The following ABCB5 variants were observed in gnomAD, a reference collection of about 807,000 sequenced individuals.
ABCB5 encodes the protein ATP binding cassette subfamily B member 5.
A neutral mutation model predicts 144.2 loss-of-function variants in ABCB5; 155 were observed. The observed-to-expected ratio is 1.08, with a 90% confidence interval of 0.94 to 1.23. ABCB5 has a LOEUF of 1.23. ABCB5 is among the 50% of genes most tolerant of loss of function. The pLI is 0.00. For synonymous variants in ABCB5, 610 were observed against 528.6 expected (o/e 1.15, Z -2.11); for missense variants, 1,830 against 1,520.8 (o/e 1.20, Z -3.38).
At chr7:20,690,761 C>T (rs149102673) in intron 16 of ABCB5, among the ~76,000 whole-genome samples, 2 of 151,964 alleles carry the variant, frequency 1.3e-5, no homozygotes, top group Admixed American at 6.6e-5. Flanking sequence ...CATTTAGATT[C>T]GGATAGAAAA....
At chr7:20,689,794 T>C (rs1235013136) in intron 16 of ABCB5, among the ~76,000 whole-genome samples, 1 of 152,156 alleles carries the variant, frequency 6.6e-6, no homozygotes, top group Non-Finnish European at 1.5e-5. Context: ...TCTTGCCCAC[T>C]GGTAAAGGAG....
chr7:20,619,559 C>G (rs1320061333), intron 1 of ABCB5, among the ~76,000 whole-genome samples: 2 of 151,944 alleles, frequency 1.3e-5, no homozygotes, highest in Non-Finnish European at 2.9e-5. Context: ...AGTTAAGTTT[C>G]TTATAGATTC....
intron 20 of ABCB5, among the ~76,000 whole-genome samples, chr7:20,710,335 C>A (rs1480300300): frequency 4.3e-5 from 5 of 116,712 alleles, no homozygotes; most frequent in East Asian, 2.5e-4. Flanking sequence ...CCATTGCACT[C>A]CAGCCTGGGC....
chr7:20,656,939 G>A (rs2128028967), intron 13 of ABCB5, among the ~76,000 whole-genome samples: 1 of 135,410 alleles, frequency 7.4e-6, no homozygotes. Flanking sequence ...TTTTGATATG[G>A]GGTCTCACTC....
At chr7:20,712,821 GT>G (rs1334547095) in intron 20 of ABCB5, among the ~76,000 whole-genome samples, 1 of 149,428 alleles carries the variant, frequency 6.7e-6, no homozygotes, top group African/African-American at 2.5e-5. Flanking sequence ...TAAAAATGAT[GT>G]TTTATATATG....
rs552060327 is a variant in ABCB5 at position 20,751,810 on chromosome 7, G to C, written c.3430-1550G>C. The stretch of plus-strand genomic sequence containing the variant: ...ACAAAATGCATTTTAGGAGGAAGGG[G>C]CCCAAGGCCTGCTAGTAGTCCCAGA... On this transcript the variant is annotated intron_variant, in intron 26 of 27. Coordinates refer to ENST00000404938, the MANE Select transcript of ABCB5 (RefSeq NM_001163941.2). Among the ~76,000 whole-genome samples, 10 of 152,308 alleles carry C rather than the reference G, an allele frequency of 6.6e-5. No homozygotes were observed. The South Asian group carries it at 2.1e-3, about 32-fold the overall frequency.
chr7:20,718,931 T>C (rs1383281291), intron 20 of ABCB5, among the ~76,000 whole-genome samples: 2 of 151,984 alleles, frequency 1.3e-5, no homozygotes, highest in Non-Finnish European at 2.9e-5. Flanking sequence ...AGAACAAAGA[T>C]TTTTCACAAA....
chr7:20,711,780 C>CTTTCTTTCTT, intron 20 of ABCB5, among the ~76,000 whole-genome samples: 1 of 25,800 alleles, frequency 3.9e-5, no homozygotes, highest in Non-Finnish European at 7.5e-5. Context: ...CCTTCTTTCT[C>CTTTCTTTCTT]TTTCTTTCTT....
intron 14 of ABCB5, chr7:20,659,433 A>T (rs1373329127): frequency 5.3e-6 from 6 of 1,132,460 alleles, no homozygotes; most frequent in African/African-American, 3.2e-5. Context: ...TTCTTTTTTT[A>T]AAATGCTGAC....
chr7:20,617,034 T>C (rs959627101), intron 1 of ABCB5, among the ~76,000 whole-genome samples: 1 of 152,198 alleles, frequency 6.6e-6, no homozygotes, highest in East Asian at 1.9e-4. Context: ...CAGATGTATA[T>C]AAATACCACA....
chr7:20,745,492 G>A (rs1042448159), intron 26 of ABCB5, 54 bp downstream of exon 26: 26 of 1,525,282 alleles, frequency 1.7e-5, no homozygotes, highest in South Asian at 2.3e-5. Flanking sequence ...AGGCTAAGTA[G>A]CTACTGGGCC....
At chr7:20,655,481 T>A (rs115583554) in intron 13 of ABCB5, among the ~76,000 whole-genome samples, 4,433 of 145,798 alleles carry the variant, frequency 0.03, 252 homozygotes, top group African/African-American at 0.11. Flanking sequence ...CCCCCGCACC[T>A]CCCCCCAGCC....
At chr7:20,751,518 C>T (rs1285129547) in intron 26 of ABCB5, among the ~76,000 whole-genome samples, 1 of 151,930 alleles carries the variant, frequency 6.6e-6, no homozygotes, top group Non-Finnish European at 1.5e-5. Context: ...AACCTTCATC[C>T]AATATGTTCT....
chr7:20,632,325 G>C (rs1247174960), intron 5 of ABCB5, among the ~76,000 whole-genome samples: 2 of 152,066 alleles, frequency 1.3e-5, no homozygotes, highest in East Asian at 3.8e-4. Flanking sequence ...TATGCTTTGA[G>C]TTGTAGTTGA....
In ABCB5 at chr7:20,685,797, C is replaced by T; in HGVS notation, c.1971C>T (p.Asp657=). ...PLHSVKSIKS[D]FIDKAEESTQ... is the part of the protein sequence containing the mutation. Reference sequence around the variant, plus strand: ...ACTCTGTGAAGAGCATCAAGTCAGACTTCATTGACAAGGCTGAGGAATCCA... The same window carrying T: ...ACTCTGTGAAGAGCATCAAGTCAGATTTCATTGACAAGGCTGAGGAATCCA... The change falls in exon 16 of 28, where the codon GAC becomes GAT. Residue 657 remains aspartate, a synonymous_variant. Transcript: ENST00000404938. 1.2e-6 allele frequency: 2 copies of T among 1,613,496 alleles called. No individual in the cohort carries two copies. Among genetic ancestry groups the T allele is most frequent in the East Asian group, 2.2e-5 (1 of 44,832 alleles).
At chr7:20,627,361 G>A (rs561685104) in intron 3 of ABCB5, among the ~76,000 whole-genome samples, 71 of 152,296 alleles carry the variant, frequency 4.7e-4, no homozygotes, top group African/African-American at 1.6e-3. Flanking sequence ...TGAATGCAAT[G>A]CTGTGGAAGT....
intron 24 of ABCB5, among the ~76,000 whole-genome samples, chr7:20,740,556 TG>T (rs1270939006): frequency 2.0e-5 from 3 of 152,178 alleles, no homozygotes; most frequent in Non-Finnish European, 4.4e-5. Flanking sequence ...ATTTTGTTCT[TG>T]TATTTTGGAA....
At chr7:20,743,286 A>G (rs1327077619) in intron 25 of ABCB5, among the ~76,000 whole-genome samples, 1 of 152,202 alleles carries the variant, frequency 6.6e-6, no homozygotes, top group African/African-American at 2.4e-5. Context: ...CAAAGGTCCA[A>G]AGATTCTTCA....
At position 20,686,115 on chromosome 7, in the gene ABCB5, A is replaced by C. The variant is rs78440685; in HGVS notation, c.2010+279A>C. ...TTCCTATGAAGCAAACCATAGGTTA[A>C]AACAGTGCCTCGGCAAATGTGATAC... is the stretch of plus-strand genomic sequence containing the variant. On this transcript the variant is annotated intron_variant, in intron 16 of 27. Coordinates refer to ENST00000404938, the MANE Select transcript of ABCB5 (RefSeq NM_001163941.2). Among the ~76,000 whole-genome samples, 261 of 152,282 alleles carry C rather than the reference A, an allele frequency of 1.7e-3. 1 individual carries two copies. Among genetic ancestry groups the C allele is most frequent in the African/African-American group, 6.0e-3 (251 of 41,562 alleles).
Sources: gnomAD v4.1 joint callset for allele counts (sites outside exome capture counted in the v4.1 genomes callset) on GRCh38, gnomAD v4.1.1 for gene constraint, MANE v1.5 for transcripts, NCBI Gene and HGNC (gene_info 2026-07-23, HGNC 2026-07-21) for gene names.